Variants in NXPH1 observed in about 807,000 individuals in gnomAD.
NXPH1 encodes the protein neurexophilin-1.
A neutral mutation model predicts 23.7 loss-of-function variants in NXPH1; 5 were observed. The observed-to-expected ratio is 0.21, with a 90% CI of 0.11 to 0.44. NXPH1 has a LOEUF of 0.44. Ranked by LOEUF, NXPH1 falls within the 20% of genes least tolerant of loss-of-function variation. The pLI, the probability that NXPH1 is intolerant of heterozygous loss-of-function variation, is 0.99. For synonymous variants in NXPH1, 144 were observed against 122.2 expected (o/e 1.18, Z -1.18); for missense variants, 324 against 321.6 (o/e 1.01, Z -0.06).
chr7:8,660,092 A>G (rs960437586), intron 2 of NXPH1, among the ~76,000 whole-genome samples: 1 of 152,236 alleles, frequency 6.6e-6, no homozygotes, highest in African/African-American at 2.4e-5. Flanking sequence ...AAATTGCTAA[A>G]ATATGGTAAT....
chr7:8,618,602 C>T (rs1819796853), intron 2 of NXPH1, among the ~76,000 whole-genome samples: 1 of 152,086 alleles, frequency 6.6e-6, no homozygotes, highest in African/African-American at 2.4e-5. Context: ...ATGAGACATT[C>T]CTGAGGCTTA....
chr7:8,695,462 G>A (rs1821293427), intron 2 of NXPH1, among the ~76,000 whole-genome samples: 1 of 152,152 alleles, frequency 6.6e-6, no homozygotes, highest in African/African-American at 2.4e-5. Context: ...TTTAGTGGAA[G>A]TCACAATTTA....
intron 2 of NXPH1, among the ~76,000 whole-genome samples, chr7:8,640,825 G>A (rs1214881836): frequency 1.3e-5 from 2 of 151,972 alleles, no homozygotes; most frequent in African/African-American, 2.4e-5. Context: ...GGGTGGTGGC[G>A]AGCCTGTAAT....
At chr7:8,682,141 G>T (rs956671976) in intron 2 of NXPH1, among the ~76,000 whole-genome samples, 5 of 152,196 alleles carry the variant, frequency 3.3e-5, no homozygotes, top group Admixed American at 3.3e-4. Flanking sequence ...AAGGGCAAGG[G>T]AGGGGCCGAG....
chr7:8,651,424 A>G (rs1005436407), intron 2 of NXPH1, among the ~76,000 whole-genome samples: 3 of 138,912 alleles, frequency 2.2e-5, no homozygotes, highest in Non-Finnish European at 4.7e-5. Context: ...TAATGCCGCA[A>G]TAAACATACG....
intron 2 of NXPH1, among the ~76,000 whole-genome samples, chr7:8,687,156 T>C (rs183058569): frequency 2.6e-4 from 40 of 152,266 alleles, no homozygotes; most frequent in African/African-American, 8.4e-4. Flanking sequence ...CAGTATGTAA[T>C]GCATCAGTGC....
intron 2 of NXPH1, among the ~76,000 whole-genome samples, chr7:8,598,188 C>T (rs1819271701): frequency 6.6e-6 from 1 of 152,036 alleles, no homozygotes; most frequent in Non-Finnish European, 1.5e-5. Context: ...TTAATGTCAC[C>T]ATGAAATTGT....
intron 2 of NXPH1, among the ~76,000 whole-genome samples, chr7:8,706,099 A>C (rs1425019513): frequency 6.6e-6 from 1 of 152,182 alleles, no homozygotes; most frequent in East Asian, 1.9e-4. Flanking sequence ...TAGGAGAATT[A>C]GGGTTATAGT....
At chr7:8,526,362 G>A (rs546490016) in intron 2 of NXPH1, among the ~76,000 whole-genome samples, 23 of 152,254 alleles carry the variant, frequency 1.5e-4, no homozygotes, top group Non-Finnish European at 2.5e-4. Context: ...GCTCATAGGC[G>A]GAAGGGACTT....
At chr7:8,594,614 C>G (rs1324099844) in intron 2 of NXPH1, among the ~76,000 whole-genome samples, 1 of 151,858 alleles carries the variant, frequency 6.6e-6, no homozygotes, top group African/African-American at 2.4e-5. Flanking sequence ...CCGCAGCTGG[C>G]TTCCACAAAA....
At chr7:8,565,183 G>A (rs1818518776) in intron 2 of NXPH1, among the ~76,000 whole-genome samples, 1 of 151,758 alleles carries the variant, frequency 6.6e-6, no homozygotes, top group South Asian at 2.1e-4. Context: ...GGAGAGTGAT[G>A]ATGGATAGAT....
intron 2 of NXPH1, among the ~76,000 whole-genome samples, chr7:8,583,713 G>A (rs187371449): frequency 2.3e-4 from 35 of 152,288 alleles, no homozygotes; most frequent in African/African-American, 8.4e-4. Flanking sequence ...TGCAGCAACA[G>A]TGGTTCACAG....
At chr7:8,689,375 T>A (rs2189629) in intron 2 of NXPH1, among the ~76,000 whole-genome samples, 2 of 151,446 alleles carry the variant, frequency 1.3e-5, no homozygotes, top group East Asian at 3.9e-4. Context: ...ACATAGGACA[T>A]ATTCAAATGG....
intron 2 of NXPH1, among the ~76,000 whole-genome samples, chr7:8,602,448 AG>A (rs1819382552): frequency 6.6e-6 from 1 of 152,170 alleles, no homozygotes; most frequent in Non-Finnish European, 1.5e-5. Flanking sequence ...ACATATGAAT[AG>A]GTGCAGTTTT....
chr7:8,456,012 C>T (rs1816587110), intron 2 of NXPH1, among the ~76,000 whole-genome samples: 1 of 152,168 alleles, frequency 6.6e-6, no homozygotes, highest in Non-Finnish European at 1.5e-5. Flanking sequence ...GGAGCCTCTG[C>T]TCTGAAAATG....
rs116167207 is a variant in NXPH1, at chr7:8,606,531, G to A, written c.55-144477G>A. On this transcript the variant is annotated intron_variant, in intron 2 of 2. Transcript: ENST00000405863. ...TCCTCTGCTGAGCTAAAAACATAATGGGGATCAAGAAAACCATCTGAAACA... is the reference window on the plus strand; with the variant it reads ...TCCTCTGCTGAGCTAAAAACATAATAGGGATCAAGAAAACCATCTGAAACA... 2.7e-3 allele frequency among the ~76,000 whole-genome samples: 405 copies of A among 152,186 alleles called. 1 individual carries two copies. Among genetic ancestry groups the A allele is most frequent in the African/African-American group, 9.4e-3 (389 of 41,520 alleles).
At position 8,472,100 on chromosome 7, in the gene NXPH1, G is replaced by A. The variant is rs745576761; in HGVS notation, c.54+36333G>A. ...AGTAGCTATTATTTTATTTCCATAG[G>A]TGATGTGTCTTCTTTTTGTGCTAAG... On this transcript the variant is annotated intron_variant, in intron 2 of 2. Transcript: ENST00000405863. Among the ~76,000 whole-genome samples the A allele has an allele frequency of 1.1e-4, 17 of 151,902 alleles. No homozygotes were observed. The East Asian group carries it at 3.3e-3, about 29-fold the overall frequency.
intron 2 of NXPH1, among the ~76,000 whole-genome samples, chr7:8,474,590 C>A (rs576062729): frequency 4.9e-4 from 75 of 152,160 alleles, no homozygotes; most frequent in Non-Finnish European, 9.7e-4. Context: ...TGATGCTCTG[C>A]AAACTACTTC....
chr7:8,749,874 A>T (rs192754209), intron 2 of NXPH1, among the ~76,000 whole-genome samples: 34 of 152,238 alleles, frequency 2.2e-4, no homozygotes, highest in African/African-American at 1.9e-4. Flanking sequence ...CCATGTCAGG[A>T]TAAGAAGTTA....
Sources: gnomAD v4.1 joint callset for allele counts (sites outside exome capture counted in the v4.1 genomes callset) on GRCh38, gnomAD v4.1.1 for gene constraint, MANE v1.5 for transcripts, NCBI Gene and HGNC (gene_info 2026-07-23, HGNC 2026-07-21) for gene names.